The following TCF12 variants were observed in gnomAD, a reference collection of about 807,000 sequenced individuals.
TCF12 encodes DNA-binding protein HTF4.
In TCF12, 45 loss-of-function variants were observed where a neutral mutation model predicts 86.0. The observed-to-expected ratio is 0.52, with a 90% CI of 0.41 to 0.67. TCF12 has a LOEUF of 0.67. Ranked by LOEUF, TCF12 falls within the 30% of genes least tolerant of loss-of-function variation. The probability of loss-of-function intolerance (pLI) is 0.00; values close to 1 mark genes in which losing one functional copy is unlikely to be tolerated. For missense variants in TCF12, 881 were observed against 859.9 expected, an observed-to-expected ratio of 1.02 and a Z score of -0.31; for synonymous variants, 330 against 299.6, an observed-to-expected ratio of 1.10 and a Z score of -1.05.
At chr15:57,013,133 C>T (rs17239047) in intron 3 of TCF12, among the ~76,000 whole-genome samples, 6,120 of 151,836 alleles carry the variant, frequency 0.04, 370 homozygotes, top group Admixed American at 0.17. Context: ...CCTCAGATGG[C>T]GTGGCAGTGT....
At chr15:57,167,983 G>A (rs1172066604) in intron 6 of TCF12, among the ~76,000 whole-genome samples, 1 of 152,114 alleles carries the variant, frequency 6.6e-6, no homozygotes, top group Non-Finnish European at 1.5e-5. Context: ...TAGGAATTTA[G>A]CAAGTATGGT....
chr15:56,970,005 C>G (rs1226864406), intron 3 of TCF12, among the ~76,000 whole-genome samples: 1 of 152,166 alleles, frequency 6.6e-6, no homozygotes, highest in East Asian at 1.9e-4. Flanking sequence ...TGGAAGGAAT[C>G]TTAAGCTACA....
chr15:56,948,829 G>A (rs2061133185), intron 3 of TCF12, among the ~76,000 whole-genome samples: 2 of 152,134 alleles, frequency 1.3e-5, no homozygotes, highest in Non-Finnish European at 2.9e-5. Context: ...TCACTAGAGG[G>A]AAGAAAATGC....
chr15:56,924,326 A>G (rs182162503), intron 3 of TCF12, among the ~76,000 whole-genome samples: 1 of 152,336 alleles, frequency 6.6e-6, no homozygotes, highest in Admixed American at 6.5e-5. Flanking sequence ...TTGTAACTGC[A>G]TCCACTTTTC....
chr15:57,147,230 G>A (rs987152895), intron 5 of TCF12, among the ~76,000 whole-genome samples: 1 of 152,162 alleles, frequency 6.6e-6, no homozygotes, highest in East Asian at 1.9e-4. Context: ...TACTAACAAT[G>A]TAACTATATA....
chr15:57,116,688 T>C (rs2050861923), intron 5 of TCF12, among the ~76,000 whole-genome samples: 1 of 152,178 alleles, frequency 6.6e-6, no homozygotes, highest in South Asian at 2.1e-4. Context: ...CAGATTTTCT[T>C]TTAATAATTA....
intron 13 of TCF12, chr15:57,247,322 C>G (rs1437147396): frequency 3.0e-6 from 2 of 656,046 alleles, no homozygotes; most frequent in African/African-American, 1.8e-5. Flanking sequence ...GCCTCCTCTT[C>G]CATCAGAGTT....
chr15:57,140,507 ACTGT>A (rs755759708), intron 5 of TCF12, among the ~76,000 whole-genome samples: 1 of 152,202 alleles, frequency 6.6e-6, no homozygotes, highest in Non-Finnish European at 1.5e-5. Context: ...TATGCTAAGG[ACTGT>A]GGAAACAAAG....
chr15:57,151,148 T>TC (rs1277431628), intron 5 of TCF12, among the ~76,000 whole-genome samples: 1 of 149,350 alleles, frequency 6.7e-6, no homozygotes, highest in East Asian at 2.0e-4. Context: ...CCAATTTTTT[T>TC]TTTTTTTTTT....
intron 5 of TCF12, among the ~76,000 whole-genome samples, chr15:57,163,904 A>G (rs894725443): frequency 6.6e-6 from 1 of 152,168 alleles, no homozygotes; most frequent in Non-Finnish European, 1.5e-5. Flanking sequence ...AATTACTGAA[A>G]CTCAGGGAAG....
chr15:57,074,578 G>T (rs1223654935), intron 4 of TCF12, among the ~76,000 whole-genome samples: 3 of 152,212 alleles, frequency 2.0e-5, no homozygotes, highest in African/African-American at 4.8e-5. Flanking sequence ...CACAGTCATG[G>T]CTTACTGCAG....
At chr15:57,040,293 T>C (rs910896983) in intron 3 of TCF12, among the ~76,000 whole-genome samples, 1 of 152,350 alleles carries the variant, frequency 6.6e-6, no homozygotes, top group African/African-American at 2.4e-5. Flanking sequence ...GGGCTGTATA[T>C]TTGTGGAGCC....
intron 3 of TCF12, among the ~76,000 whole-genome samples, chr15:57,036,115 T>A (rs1394845912): frequency 2.1e-4 from 30 of 144,130 alleles, no homozygotes; most frequent in African/African-American, 7.2e-4. Flanking sequence ...CATTGAATAG[T>A]TTTGGGCTTT....
chr15:57,151,344 A>G (rs147260176), intron 5 of TCF12, among the ~76,000 whole-genome samples: 2,170 of 137,066 alleles, frequency 0.016, 30 homozygotes, highest in Non-Finnish European at 0.021. Context: ...ACACTGGATG[A>G]TATTAACTGC....
chr15:57,130,824 T>C (rs973989436), intron 5 of TCF12, among the ~76,000 whole-genome samples: 1 of 152,136 alleles, frequency 6.6e-6, no homozygotes, highest in Non-Finnish European at 1.5e-5. Context: ...AACTTACGAG[T>C]TGTATGTATT....
intron 6 of TCF12, among the ~76,000 whole-genome samples, chr15:57,190,994 A>T (rs1183609965): frequency 6.6e-6 from 1 of 152,230 alleles, no homozygotes; most frequent in Non-Finnish European, 1.5e-5. Flanking sequence ...AACAAGTACA[A>T]CATTGGAGGG....
intron 6 of TCF12, among the ~76,000 whole-genome samples, chr15:57,169,194 G>A (rs143380759): frequency 1.3e-5 from 2 of 152,290 alleles, no homozygotes; most frequent in East Asian, 1.9e-4. Context: ...TAACTTGTCT[G>A]CCACCCTGCT....
At chr15:57,015,449 T>C (rs1365191882) in intron 3 of TCF12, among the ~76,000 whole-genome samples, 1 of 152,190 alleles carries the variant, frequency 6.6e-6, no homozygotes, top group Non-Finnish European at 1.5e-5. Flanking sequence ...TGTCAATATC[T>C]TCAGATGTCT....
At chr15:57,170,483 G>A (rs1424543480) in intron 6 of TCF12, among the ~76,000 whole-genome samples, 9 of 149,002 alleles carry the variant, frequency 6.0e-5, no homozygotes, top group African/African-American at 1.5e-4. Flanking sequence ...AAGTGTATGC[G>A]CTTGTGAAAA....
Sources: allele counts gnomAD v4.1 joint callset (sites outside exome capture counted in the v4.1 genomes callset), GRCh38; gene constraint gnomAD v4.1.1; transcripts MANE v1.5; gene names NCBI Gene and HGNC (gene_info 2026-07-23, HGNC 2026-07-21).